Variants in MEF2A observed in about 807,000 individuals in gnomAD.
The protein encoded by MEF2A is myocyte enhancer factor 2A, also known as myocyte-specific enhancer factor 2A.
MEF2A carries 28 observed loss-of-function variants against 55.8 expected under a neutral mutation model. The ratio of observed to expected loss-of-function variants is 0.50; its 90% CI spans 0.37 to 0.69. The LOEUF (loss-of-function observed/expected upper bound fraction) is 0.69, where lower values mean the gene tolerates loss of function less well. MEF2A is among the 30% of genes least tolerant of loss of function. The pLI is 0.00. For missense variants in MEF2A, 528 were observed against 626.2 expected, an observed-to-expected ratio of 0.84 and a Z score of 1.67; for synonymous variants, 239 against 227.1, an observed-to-expected ratio of 1.05 and a Z score of -0.47.
intron 2 of MEF2A, among the ~76,000 whole-genome samples, chr15:99,619,334 T>G (rs2040747568): frequency 6.6e-6 from 1 of 152,186 alleles, no homozygotes; most frequent in African/African-American, 2.4e-5. Context: ...GGCAGCAGAA[T>G]ACAGCGGTTG....
At chr15:99,668,283 G>C (rs565487718) in intron 4 of MEF2A, among the ~76,000 whole-genome samples, 19 of 152,262 alleles carry the variant, frequency 1.2e-4, no homozygotes, top group African/African-American at 4.3e-4. Flanking sequence ...ATAGAACAGG[G>C]TGTATCATCG....
intron 10 of MEF2A, among the ~76,000 whole-genome samples, chr15:99,708,577 ACT>A (rs1256058070): frequency 6.6e-6 from 1 of 151,980 alleles, no homozygotes; most frequent in Non-Finnish European, 1.5e-5. Flanking sequence ...CGTAACACTT[ACT>A]CTGTTTGAAG....
At chr15:99,611,891 C>T (rs1006755428) in intron 2 of MEF2A, among the ~76,000 whole-genome samples, 2 of 152,024 alleles carry the variant, frequency 1.3e-5, no homozygotes, top group African/African-American at 4.8e-5. Flanking sequence ...TTGAAAACAT[C>T]ATGTTAAGTG....
chr15:99,622,446 A>G (rs1416442016), intron 2 of MEF2A, among the ~76,000 whole-genome samples: 1 of 152,214 alleles, frequency 6.6e-6, no homozygotes, highest in Non-Finnish European at 1.5e-5. Flanking sequence ...TGCATGATTT[A>G]AAAAGTTAGT....
intron 7 of MEF2A, among the ~76,000 whole-genome samples, chr15:99,680,603 T>C (rs183101460): frequency 4.5e-4 from 69 of 152,336 alleles, no homozygotes; most frequent in African/African-American, 1.6e-3. Context: ...CAAAGCTTCA[T>C]TGCAACTTTA....
At chr15:99,659,487 T>C (rs1211471763) in intron 4 of MEF2A, among the ~76,000 whole-genome samples, 3 of 152,240 alleles carry the variant, frequency 2.0e-5, no homozygotes, top group East Asian at 3.9e-4. Context: ...ACAGTAAACA[T>C]TCTCTCTTCT....
chr15:99,668,524 G>A (rs1398009928), intron 4 of MEF2A, among the ~76,000 whole-genome samples: 2 of 152,224 alleles, frequency 1.3e-5, no homozygotes, highest in Non-Finnish European at 2.9e-5. Flanking sequence ...TATCTTTGAA[G>A]TTTTATTTAC....
chr15:99,667,916 GT>G (rs1311768993), intron 4 of MEF2A, among the ~76,000 whole-genome samples: 2 of 152,150 alleles, frequency 1.3e-5, no homozygotes, highest in African/African-American at 2.4e-5. Flanking sequence ...GAGATATTTA[GT>G]TTTTTGGGTT....
intron 7 of MEF2A, among the ~76,000 whole-genome samples, chr15:99,683,898 C>G (rs1362911176): frequency 6.6e-6 from 1 of 151,992 alleles, no homozygotes; most frequent in Non-Finnish European, 1.5e-5. Flanking sequence ...TCCATTGTAT[C>G]ATTCTTATGC....
intron 2 of MEF2A, among the ~76,000 whole-genome samples, chr15:99,625,013 G>A (rs2041838367): frequency 6.6e-6 from 1 of 152,134 alleles, no homozygotes; most frequent in Non-Finnish European, 1.5e-5. Context: ...TTTTAAAATA[G>A]CTTTGTATTA....
intron 1 of MEF2A, among the ~76,000 whole-genome samples, chr15:99,578,560 C>T (rs779919163): frequency 1.3e-5 from 2 of 152,180 alleles, no homozygotes; most frequent in African/African-American, 2.4e-5. Context: ...ATTTAGAAAC[C>T]GAGATCTGGG....
intron 1 of MEF2A, among the ~76,000 whole-genome samples, chr15:99,595,690 C>T (rs1475337248): frequency 6.6e-6 from 1 of 152,176 alleles, no homozygotes; most frequent in Non-Finnish European, 1.5e-5. Flanking sequence ...CAACTAACTA[C>T]AATAATTTTA....
At chr15:99,642,772 C>T (rs1322997686) in intron 3 of MEF2A, among the ~76,000 whole-genome samples, 1 of 152,160 alleles carries the variant, frequency 6.6e-6, no homozygotes, top group Non-Finnish European at 1.5e-5. Flanking sequence ...TCAGAGGATC[C>T]TCTCAGAGGA....
chr15:99,661,968 G>A (rs2048723518), intron 4 of MEF2A, among the ~76,000 whole-genome samples: 1 of 151,990 alleles, frequency 6.6e-6, no homozygotes, highest in South Asian at 2.1e-4. Flanking sequence ...CTATAATTCT[G>A]TGTAACTCTA....
At chr15:99,690,757 T>C (rs2055260764) in intron 8 of MEF2A, 2 of 443,308 alleles carry the variant, frequency 4.5e-6, no homozygotes, top group Non-Finnish European at 8.8e-6. Flanking sequence ...AAAATTGGTC[T>C]TGTGGAGATA....
At position 99,712,532 on chromosome 15, in the gene MEF2A, C is replaced by T; in HGVS notation, c.1279C>T (p.Gln427Ter). ...FQQQQQQQQQQQPPPPPQPQP... is the reference protein window; with the variant it reads ...FQQQQQQQQQ ...GCAGCAGCAGCAGCAGCAGCAGCAGCAGCAGCCGCCGCCACCACCGCAGCC... is the reference window on the plus strand; with the variant it reads ...GCAGCAGCAGCAGCAGCAGCAGCAGTAGCAGCCGCCGCCACCACCGCAGCC... Residue 427 changes from glutamine to a stop codon, truncating the protein, a stop_gained, in exon 12 of 12, where the codon CAG (glutamine) becomes TAG (stop). Transcript: ENST00000557942. LOFTEE classifies it high-confidence loss of function. The surrounding 1 kb of genome is among the most constrained non-coding windows in gnomAD (Gnocchi z 4.1). The T allele has an allele frequency of 6.5e-7, 1 of 1,537,292 alleles. No individual in the cohort carries two copies.
intron 7 of MEF2A, among the ~76,000 whole-genome samples, chr15:99,677,409 T>G (rs1304564437): frequency 1.3e-5 from 2 of 151,840 alleles, no homozygotes; most frequent in Non-Finnish European, 2.9e-5. Context: ...AATGGAAATT[T>G]TAGAACAAAA....
chr15:99,691,468 C>T (rs971355171), intron 8 of MEF2A, among the ~76,000 whole-genome samples: 8 of 152,030 alleles, frequency 5.3e-5, no homozygotes, highest in South Asian at 2.1e-4. Context: ...GATGCCAGGG[C>T]GGGCGGATCA....
Position 99,710,751 on chromosome 15 carries a change from G to C in MEF2A, c.1127G>C (p.Ser376Thr). Residue 376 changes from serine (S) to threonine (T), a missense_variant, in exon 11 of 12, where the codon AGC becomes ACC. Physicochemically the swap from Ser to Thr is moderately conservative, Grantham distance 58. Coordinates refer to ENST00000557942, the MANE Select transcript of MEF2A (RefSeq NM_001319206.4). ...QQHHLGQAAL[S>T]SLVAGGQLSQ... ...CACCACCTAGGACAAGCAGCCCTCA[G>C]CTCTCTTGTGTGAGTAACTAGAAGT... 6.2e-7 allele frequency: 1 copy of C among 1,602,498 alleles called. No homozygotes were observed. The highest frequency in any genetic ancestry group is 8.5e-7 in the Non-Finnish European group (1 of 1,170,236).
Sources: gnomAD v4.1 joint callset for allele counts (sites outside exome capture counted in the v4.1 genomes callset) on GRCh38, gnomAD v4.1.1 for gene constraint, Gnocchi (gnomAD v3.1) non-coding constraint, MANE v1.5 for transcripts, NCBI Gene and HGNC (gene_info 2026-07-23, HGNC 2026-07-21) for gene names.